The following KAT2B variants were observed in gnomAD, a reference collection of about 807,000 sequenced individuals.
KAT2B encodes the protein histone acetyltransferase KAT2B.
KAT2B carries 36 observed loss-of-function variants against 105.9 expected under a neutral mutation model. The observed-to-expected ratio is 0.34, with a 90% CI of 0.26 to 0.45. KAT2B has a LOEUF of 0.45. Ranked by LOEUF, KAT2B falls within the 20% of genes least tolerant of loss-of-function variation. The pLI is 1.00. For synonymous variants in KAT2B, 397 were observed against 377.9 expected, an observed-to-expected ratio of 1.05 and a Z score of -0.59; for missense variants, 820 against 1,021.6, an observed-to-expected ratio of 0.80 and a Z score of 2.69.
intron 2 of KAT2B, among the ~76,000 whole-genome samples, chr3:20,081,777 T>C (rs1456320404): frequency 6.6e-6 from 1 of 151,772 alleles, no homozygotes; most frequent in African/African-American, 2.4e-5. Context: ...TAATTAAAAA[T>C]TTACATAAAA....
chr3:20,040,761 G>A lies in KAT2B; in HGVS notation c.284G>A (p.Gly95Glu). Residue 95 changes from glycine to glutamate, a missense_variant, in exon 1 of 18, where the codon GGA becomes GAA. By Grantham distance (98) the Gly-to-Glu change is moderately conservative. Transcript: ENST00000263754. ...CGGGCCAAGAAACTGGAGAAACTCGGAGTGTACTCCGCCTGCAAGGTACGC... is the reference window on the plus strand; with the variant it reads ...CGGGCCAAGAAACTGGAGAAACTCGAAGTGTACTCCGCCTGCAAGGTACGC... ...APRAKKLEKLGVYSACKAEES... is the reference protein window; with the variant it reads ...APRAKKLEKLEVYSACKAEES... 1 of 1,593,330 alleles carries A rather than the reference G, an allele frequency of 6.3e-7. No homozygotes were observed. Among genetic ancestry groups the A allele is most frequent in the Non-Finnish European group, 8.5e-7 (1 of 1,172,782 alleles).
chr3:20,090,225 C>T (rs1202346101), intron 2 of KAT2B, among the ~76,000 whole-genome samples: 1 of 152,142 alleles, frequency 6.6e-6, no homozygotes, highest in Non-Finnish European at 1.5e-5. Context: ...GCTAGGACTT[C>T]CAATACTACG....
At chr3:20,096,872 G>A (rs1312189674) in intron 3 of KAT2B, among the ~76,000 whole-genome samples, 1 of 152,038 alleles carries the variant, frequency 6.6e-6, no homozygotes, top group Non-Finnish European at 1.5e-5. Context: ...GGAGATAGGA[G>A]TGGGAGGTAG....
At chr3:20,093,678 A>G (rs1040933491) in intron 2 of KAT2B, among the ~76,000 whole-genome samples, 1 of 152,178 alleles carries the variant, frequency 6.6e-6, no homozygotes, top group Non-Finnish European at 1.5e-5. Context: ...ACGAGGAAAA[A>G]TCTATCACTT....
chr3:20,125,751 CTGTG>C (rs1367907803), intron 9 of KAT2B, among the ~76,000 whole-genome samples, 150 bp from the exon 10 acceptor site: 2 of 152,172 alleles, frequency 1.3e-5, no homozygotes, highest in African/African-American at 2.4e-5. Context: ...GTATGTGTCT[CTGTG>C]TGTATGTGTG....
At chr3:20,078,529 T>C (rs942504728) in intron 2 of KAT2B, among the ~76,000 whole-genome samples, 19 of 151,570 alleles carry the variant, frequency 1.3e-4, no homozygotes, top group African/African-American at 4.6e-4. Context: ...TGCAGCAACA[T>C]GCCCAGCTAA....
chr3:20,126,518 T>TAA (rs34431414), intron 10 of KAT2B, among the ~76,000 whole-genome samples: 18 of 141,728 alleles, frequency 1.3e-4, no homozygotes, highest in Non-Finnish European at 1.5e-4. Context: ...ATCCATTGCT[T>TAA]AAAAAAAAAA....
rs1424567123 is a variant in KAT2B at position 20,095,245 on chromosome 3, C to T, written c.431-18C>T. On this transcript the variant is annotated intron_variant, in intron 2 of 17. Coordinates refer to ENST00000263754, the MANE Select transcript of KAT2B (RefSeq NM_003884.5). ...TCCAATTGAGGTCTTACATATGTTT[C>T]TTTGATCTTATCATAAGCTGCTCAT... 1 of 1,603,296 alleles carries T rather than the reference C, an allele frequency of 6.2e-7. No homozygotes were observed. Among genetic ancestry groups the T allele is most frequent in the Non-Finnish European group, 8.5e-7 (1 of 1,174,984 alleles).
intron 1 of KAT2B, among the ~76,000 whole-genome samples, chr3:20,054,938 G>A (rs1219861694): frequency 6.6e-6 from 1 of 152,184 alleles, no homozygotes; most frequent in Non-Finnish European, 1.5e-5. Flanking sequence ...AAGCCACAAG[G>A]AGCCCTTTTC....
intron 11 of KAT2B, among the ~76,000 whole-genome samples, chr3:20,132,077 A>G (rs897451297): frequency 3.9e-5 from 6 of 152,116 alleles, no homozygotes; most frequent in Non-Finnish European, 7.4e-5. Flanking sequence ...ATATCCTGTA[A>G]TCTAAAAACA....
intron 1 of KAT2B, among the ~76,000 whole-genome samples, chr3:20,054,689 G>T (rs958862833): frequency 3.9e-5 from 6 of 152,232 alleles, no homozygotes; most frequent in African/African-American, 1.4e-4. Flanking sequence ...ATATCATAGT[G>T]ATTGATGGTG....
intron 2 of KAT2B, among the ~76,000 whole-genome samples, chr3:20,084,639 G>A (rs1189987600): frequency 6.6e-6 from 1 of 152,034 alleles, no homozygotes; most frequent in African/African-American, 2.4e-5. Flanking sequence ...TTTCATTATG[G>A]GCAGAGTCAG....
At chr3:20,050,773 G>A (rs571102200) in intron 1 of KAT2B, among the ~76,000 whole-genome samples, 76 of 150,508 alleles carry the variant, frequency 5.0e-4, no homozygotes, top group African/African-American at 1.9e-3. Context: ...GCATGATCTC[G>A]GCTCACTGCA....
chr3:20,095,394 TTCTA>T lies in KAT2B; in HGVS notation c.568_571del (p.Phe191SerfsTer3). ...AGATGCAGATACCAAACAAGTTTAT[TTCTA>T]TCTATTTAAGGTGAGATTTTAACAT... is the stretch of plus-strand genomic sequence containing the variant. On this transcript the variant is annotated frameshift_variant, in exon 3 of 18. Coordinates refer to ENST00000263754, the MANE Select transcript of KAT2B (RefSeq NM_003884.5). LOFTEE classifies it high-confidence loss of function. The T allele has an allele frequency of 6.3e-7, 1 of 1,588,164 alleles. No individual in the cohort carries two copies. Among genetic ancestry groups the T allele is most frequent in the Non-Finnish European group, 8.6e-7 (1 of 1,158,294 alleles).
intron 5 of KAT2B, among the ~76,000 whole-genome samples, chr3:20,109,252 C>G (rs1464567595): frequency 2.6e-5 from 4 of 151,982 alleles, no homozygotes; most frequent in Non-Finnish European, 4.4e-5. Flanking sequence ...GGTTTCATTA[C>G]TAGTTATTTG....
intron 1 of KAT2B, among the ~76,000 whole-genome samples, chr3:20,059,310 A>G (rs1420794636): frequency 6.8e-6 from 1 of 146,150 alleles, no homozygotes; most frequent in African/African-American, 2.5e-5. Context: ...GCTACTCGGG[A>G]GGCTGAGGCA....
At chr3:20,125,349 T>C (rs1376040557) in intron 9 of KAT2B, among the ~76,000 whole-genome samples, 1 of 151,548 alleles carries the variant, frequency 6.6e-6, no homozygotes, top group Non-Finnish European at 1.5e-5. Flanking sequence ...AGTGCTACTA[T>C]TGGGCCTGTA....
chr3:20,046,799 G>T (rs1301383243), intron 1 of KAT2B, among the ~76,000 whole-genome samples: 1 of 152,108 alleles, frequency 6.6e-6, no homozygotes, highest in East Asian at 1.9e-4. Flanking sequence ...TAGAGCAGTG[G>T]CTCTCACCCA....
At chr3:20,111,427 A>G (rs1451455543) in intron 5 of KAT2B, among the ~76,000 whole-genome samples, 169 bp from the exon 6 acceptor site, 1 of 152,226 alleles carries the variant, frequency 6.6e-6, no homozygotes, top group Non-Finnish European at 1.5e-5. Context: ...TGTAAGGGTA[A>G]TCTAATTGCA....
Sources: gnomAD v4.1 joint callset for allele counts (sites outside exome capture counted in the v4.1 genomes callset) on GRCh38, gnomAD v4.1.1 for gene constraint, MANE v1.5 for transcripts, NCBI Gene and HGNC (gene_info 2026-07-23, HGNC 2026-07-21) for gene names.